The following BICD1 variants were observed in gnomAD, a reference collection of about 807,000 sequenced individuals.
The protein encoded by BICD1 is protein bicaudal D homolog 1.
Under a neutral mutation model 92.5 loss-of-function variants are expected in BICD1, and 35 were observed. That is an observed-to-expected ratio of 0.38 (90% CI 0.29 to 0.50). The LOEUF is 0.50. Among genes scored for constraint, BICD1 ranks in the 20% least tolerant of loss-of-function variants. BICD1 has a pLI of 0.93. For missense variants in BICD1, 950 were observed against 1,189.8 expected (o/e 0.80, Z 2.97); for synonymous variants, 429 against 465.1 (o/e 0.92, Z 1.00).
At chr12:32,218,931 T>C (rs161973) in intron 2 of BICD1, among the ~76,000 whole-genome samples, 80,741 of 152,044 alleles carry the variant, frequency 0.53, 22,234 homozygotes, top group East Asian at 0.87. Flanking sequence ...AAAAGGAGAA[T>C]AGGAATAAAT....
At position 32,367,718 on chromosome 12, in the gene BICD1, C is replaced by T; in HGVS notation, c.2813C>T (p.Ala938Val). Reference sequence around the variant, plus strand: ...GTACCGCCACAGTGCTCACAACTAGCCGGGAGGCAAGACTGCCCAACTGTC... The same window carrying T: ...GTACCGCCACAGTGCTCACAACTAGTCGGGAGGCAAGACTGCCCAACTGTC... ...ASVPPQCSQL[A>V]GRQDCPTVSP... is the part of the protein sequence containing the mutation. Residue 938 changes from alanine to valine, a missense_variant, in exon 9 of 10, where the codon GCC becomes GTC. By Grantham distance (64) the Ala-to-Val change is moderately conservative. Coordinates refer to ENST00000652176, the MANE Select transcript of BICD1 (RefSeq NM_001714.4). 6.2e-7 allele frequency: 1 copy of T among 1,614,150 alleles called. No individual in the cohort carries two copies. Among genetic ancestry groups the T allele is most frequent in the Non-Finnish European group, 8.5e-7 (1 of 1,180,018 alleles).
At chr12:32,290,910 G>A (rs993169529) in intron 2 of BICD1, among the ~76,000 whole-genome samples, 1 of 152,106 alleles carries the variant, frequency 6.6e-6, no homozygotes, top group African/African-American at 2.4e-5. Flanking sequence ...ATTTTAACAA[G>A]TGTCAGAATA....
At chr12:32,316,861 C>A (rs541944911) in intron 4 of BICD1, among the ~76,000 whole-genome samples, 3 of 152,282 alleles carry the variant, frequency 2.0e-5, no homozygotes, top group South Asian at 4.1e-4. Context: ...CCCACTCTCC[C>A]CACCCCACAA....
At chr12:32,107,746 C>G in intron 1 of BICD1, 1 of 744,110 alleles carries the variant, frequency 1.3e-6, no homozygotes. Flanking sequence ...AATATATAAG[C>G]TGGAATTTGG....
At chr12:32,144,551 G>A (rs1943047733) in intron 1 of BICD1, among the ~76,000 whole-genome samples, 1 of 152,092 alleles carries the variant, frequency 6.6e-6, no homozygotes, top group Non-Finnish European at 1.5e-5. Context: ...TTGTCAAATA[G>A]CCCCTGGCAT....
At chr12:32,226,796 A>G (rs764986439) in intron 2 of BICD1, among the ~76,000 whole-genome samples, 2 of 152,214 alleles carry the variant, frequency 1.3e-5, no homozygotes, top group Non-Finnish European at 2.9e-5. Flanking sequence ...AATCCCAGAA[A>G]CACTAGCAGG....
chr12:32,158,106 C>CTTTTTTT (rs35906528), intron 1 of BICD1, among the ~76,000 whole-genome samples: 1 of 125,748 alleles, frequency 8.0e-6, no homozygotes, highest in Admixed American at 8.4e-5. Flanking sequence ...TTTTTTTTTT[C>CTTTTTTT]TTTTTTTTTT....
At chr12:32,206,947 A>G (rs776958698) in intron 1 of BICD1, among the ~76,000 whole-genome samples, 7 of 152,240 alleles carry the variant, frequency 4.6e-5, no homozygotes, top group Non-Finnish European at 8.8e-5. Flanking sequence ...TCATCATATG[A>G]ATTTTACAAA....
chr12:32,189,640 G>C (rs751580463), intron 1 of BICD1, among the ~76,000 whole-genome samples: 1 of 151,614 alleles, frequency 6.6e-6, no homozygotes, highest in Non-Finnish European at 1.5e-5. Context: ...ATAAAAAGGT[G>C]TAAAGTGTGA....
At chr12:32,366,650 TAAAC>T (rs143879118) in intron 8 of BICD1, among the ~76,000 whole-genome samples, 14 of 152,154 alleles carry the variant, frequency 9.2e-5, no homozygotes, top group Non-Finnish European at 1.6e-4. Context: ...CTGTCTCAAA[TAAAC>T]AAACAAACAA....
At chr12:32,135,506 TC>T (rs57139142) in intron 1 of BICD1, among the ~76,000 whole-genome samples, 118,576 of 148,710 alleles carry the variant, frequency 0.8, 47,339 homozygotes, top group Middle Eastern at 0.88. Context: ...GTTTAAGTGA[TC>T]CTTACATCTC....
At chr12:32,126,456 TA>T (rs969816151) in intron 1 of BICD1, among the ~76,000 whole-genome samples, 76 of 145,116 alleles carry the variant, frequency 5.2e-4, no homozygotes, top group African/African-American at 6.8e-4. Context: ...ATAGTATTCT[TA>T]AAAAAAAAAA....
intron 2 of BICD1, among the ~76,000 whole-genome samples, chr12:32,250,755 C>T (rs935067708): frequency 2.0e-5 from 3 of 151,894 alleles, no homozygotes; most frequent in Non-Finnish European, 2.9e-5. Context: ...CTGAGGTGGG[C>T]GGATCATTTG....
chr12:32,261,484 G>A (rs944272362), intron 2 of BICD1, among the ~76,000 whole-genome samples: 12 of 152,170 alleles, frequency 7.9e-5, no homozygotes, highest in African/African-American at 2.9e-4. Flanking sequence ...GTATGGGGAT[G>A]TGAAGACAAT....
chr12:32,211,633 G>A (rs1404456596), intron 1 of BICD1, among the ~76,000 whole-genome samples: 1 of 151,876 alleles, frequency 6.6e-6, no homozygotes, highest in Non-Finnish European at 1.5e-5. Flanking sequence ...TTTTACTCAG[G>A]CAGAGTGAAG....
intron 1 of BICD1, among the ~76,000 whole-genome samples, chr12:32,207,655 T>G (rs2121549750): frequency 6.6e-6 from 1 of 152,258 alleles, no homozygotes; most frequent in South Asian, 2.1e-4. Context: ...ACTTTATAAT[T>G]GGGTGGAGTT....
chr12:32,347,318 G>A (rs1302342462), intron 8 of BICD1, among the ~76,000 whole-genome samples: 4 of 151,450 alleles, frequency 2.6e-5, no homozygotes, highest in African/African-American at 7.3e-5. Context: ...TCTCTGATTG[G>A]TGGCAGTGCT....
intron 5 of BICD1, among the ~76,000 whole-genome samples, chr12:32,329,259 C>T (rs1937722404): frequency 6.6e-6 from 1 of 152,068 alleles, no homozygotes; most frequent in Non-Finnish European, 1.5e-5. Flanking sequence ...CATGTGCCAC[C>T]ATGCCTGGCT....
At chr12:32,153,793 G>A (rs568291446) in intron 1 of BICD1, among the ~76,000 whole-genome samples, 220 of 150,544 alleles carry the variant, frequency 1.5e-3, no homozygotes, top group African/African-American at 5.2e-3. Flanking sequence ...GTGTGTGTGT[G>A]TGTGTATATA....
Sources: allele counts gnomAD v4.1 joint callset (sites outside exome capture counted in the v4.1 genomes callset), GRCh38; gene constraint gnomAD v4.1.1; transcripts MANE v1.5; gene names NCBI Gene and HGNC (gene_info 2026-07-23, HGNC 2026-07-21).